Variants in LRRC4C observed in about 807,000 individuals in gnomAD.
LRRC4C encodes leucine rich repeat containing 4C, also known as leucine-rich repeat-containing protein 4C.
In LRRC4C, 5 loss-of-function variants were observed where a neutral mutation model predicts 33.6. That is an observed-to-expected ratio of 0.15 (90% CI 0.08 to 0.31). The LOEUF (loss-of-function observed/expected upper bound fraction) is 0.31, where lower values mean the gene tolerates loss of function less well. Ranked by LOEUF, LRRC4C falls within the 10% of genes least tolerant of loss-of-function variation. The pLI is 1.00. For missense variants in LRRC4C, 560 were observed against 796.7 expected (o/e 0.70, Z 3.58); for synonymous variants, 329 against 302.0 (o/e 1.09, Z -0.93).
intron 1 of LRRC4C, among the ~76,000 whole-genome samples, chr11:41,103,506 A>G (rs1195364361): frequency 6.6e-6 from 1 of 150,584 alleles, no homozygotes; most frequent in Non-Finnish European, 1.5e-5. Flanking sequence ...TTCAACAAAC[A>G]TATTCTGAGG....
chr11:40,166,526 A>G (rs1859609463), intron 5 of LRRC4C, among the ~76,000 whole-genome samples: 1 of 152,154 alleles, frequency 6.6e-6, no homozygotes, highest in African/African-American at 2.4e-5. Flanking sequence ...ACTGTGTTCA[A>G]TTTGTGAAAT....
chr11:40,525,980 C>T (rs1356996491), intron 3 of LRRC4C, among the ~76,000 whole-genome samples: 1 of 151,938 alleles, frequency 6.6e-6, no homozygotes, highest in African/African-American at 2.4e-5. Flanking sequence ...TTCAGTACTT[C>T]AGGGAAAGGC....
At chr11:40,260,657 A>G (rs1283588735) in intron 4 of LRRC4C, among the ~76,000 whole-genome samples, 1 of 152,172 alleles carries the variant, frequency 6.6e-6, no homozygotes, top group Non-Finnish European at 1.5e-5. Flanking sequence ...CTAAGAAAGG[A>G]TGAGGACCAG....
chr11:41,303,500 G>C (rs988267213), intron 1 of LRRC4C, among the ~76,000 whole-genome samples: 5 of 128,964 alleles, frequency 3.9e-5, no homozygotes, highest in African/African-American at 1.1e-4. Flanking sequence ...GCCTCTGCCC[G>C]GCCGCCACCC....
intron 1 of LRRC4C, among the ~76,000 whole-genome samples, chr11:41,058,783 A>G (rs1300337199): frequency 1.3e-5 from 2 of 152,216 alleles, no homozygotes; most frequent in African/African-American, 4.8e-5. Context: ...CACTATTCAT[A>G]ATAACAAAGA....
chr11:40,959,970 A>T (rs1367327237), intron 1 of LRRC4C, among the ~76,000 whole-genome samples: 1 of 151,756 alleles, frequency 6.6e-6, no homozygotes, highest in Non-Finnish European at 1.5e-5. Flanking sequence ...AGATGATAGT[A>T]ATTCTACTTT....
intron 1 of LRRC4C, among the ~76,000 whole-genome samples, chr11:41,263,758 G>C (rs991087174): frequency 6.6e-6 from 1 of 152,066 alleles, no homozygotes; most frequent in Non-Finnish European, 1.5e-5. Flanking sequence ...TATTGACTGA[G>C]ACCAAGCACA....
At chr11:40,151,988 C>T (rs1858253356) in intron 5 of LRRC4C, among the ~76,000 whole-genome samples, 1 of 152,182 alleles carries the variant, frequency 6.6e-6, no homozygotes. Flanking sequence ...TCAGACAGAG[C>T]AGCATCCAGA....
intron 2 of LRRC4C, among the ~76,000 whole-genome samples, chr11:40,865,451 A>G (rs563138475): frequency 1.3e-5 from 2 of 152,026 alleles, no homozygotes; most frequent in East Asian, 3.9e-4. Flanking sequence ...CACCACAAAA[A>G]TGATGACTAT....
Position 40,789,124 on chromosome 11 carries a change from T to C in LRRC4C, c.-406-140846A>G, listed in dbSNP as rs1373735341. ...AAAAAAAAAAAAAAAAAAAGCATATTATAAACTTATGTGTTAGTGGGCTCA... is the reference window on the plus strand; with the variant it reads ...AAAAAAAAAAAAAAAAAAAGCATATCATAAACTTATGTGTTAGTGGGCTCA... On this transcript the variant is annotated intron_variant, in intron 2 of 6. Coordinates refer to ENST00000528697, the MANE Select transcript of LRRC4C (RefSeq NM_001258419.2). 3.4e-5 allele frequency among the ~76,000 whole-genome samples: 5 copies of C among 148,598 alleles called. No individual in the cohort carries two copies. The South Asian group carries it at 1.0e-3, about 31-fold the overall frequency.
chr11:41,379,094 G>A lies in LRRC4C; in HGVS notation c.-496+80337C>T, dbSNP rs1433118043. The stretch of plus-strand genomic sequence containing the variant: ...TTATACCCACACTTTACTCCCAAAG[G>A]GGTAGGGCCCTGTATCTAAGTGGTT... On this transcript the variant is annotated intron_variant, in intron 1 of 6. Transcript: ENST00000528697. 2.0e-5 allele frequency among the ~76,000 whole-genome samples: 3 copies of A among 151,740 alleles called. No homozygotes were observed. In the East Asian group the frequency reaches 5.8e-4, roughly 29 times the overall value.
intron 2 of LRRC4C, among the ~76,000 whole-genome samples, chr11:40,895,013 T>G (rs919596512): frequency 1.3e-5 from 2 of 152,192 alleles, no homozygotes; most frequent in African/African-American, 2.4e-5. Flanking sequence ...AATAAATGTT[T>G]ATTAATTGGC....
chr11:40,448,533 G>T (rs1439748732), intron 3 of LRRC4C, among the ~76,000 whole-genome samples: 1 of 152,116 alleles, frequency 6.6e-6, no homozygotes, highest in Non-Finnish European at 1.5e-5. Context: ...GATTTGCTGA[G>T]AAGGATGGTT....
chr11:40,797,247 T>C (rs1476683134), intron 2 of LRRC4C, among the ~76,000 whole-genome samples: 1 of 152,056 alleles, frequency 6.6e-6, no homozygotes, highest in South Asian at 2.1e-4. Context: ...GATTGGGATA[T>C]AAAAATAGAA....
chr11:40,705,316 C>A (rs1311231044), intron 2 of LRRC4C, among the ~76,000 whole-genome samples: 1 of 152,008 alleles, frequency 6.6e-6, no homozygotes, highest in African/African-American at 2.4e-5. Flanking sequence ...ATTAACTCGT[C>A]ATTCACATTA....
intron 1 of LRRC4C, among the ~76,000 whole-genome samples, chr11:41,336,487 A>G (rs1393749469): frequency 6.6e-6 from 1 of 152,086 alleles, no homozygotes; most frequent in East Asian, 1.9e-4. Flanking sequence ...CAAAATGTCA[A>G]GTATAGTAGA....
chr11:40,834,368 G>A (rs1431671488), intron 2 of LRRC4C, among the ~76,000 whole-genome samples: 2 of 152,060 alleles, frequency 1.3e-5, no homozygotes, highest in Non-Finnish European at 1.5e-5. Context: ...GTACTCAGGA[G>A]GCTGAGGCAG....
At chr11:40,715,520 T>C (rs1946661032) in intron 2 of LRRC4C, among the ~76,000 whole-genome samples, 1 of 152,216 alleles carries the variant, frequency 6.6e-6, no homozygotes, top group Non-Finnish European at 1.5e-5. Context: ...TACCTACGTA[T>C]GATGTAGAAC....
At chr11:40,416,427 G>A (rs1321975843) in intron 3 of LRRC4C, among the ~76,000 whole-genome samples, 1 of 152,108 alleles carries the variant, frequency 6.6e-6, no homozygotes, top group African/African-American at 2.4e-5. Context: ...GGTCCTAAAG[G>A]AAGAAGGAGC....
Sources: gnomAD v4.1 joint callset for allele counts (sites outside exome capture counted in the v4.1 genomes callset) on GRCh38, gnomAD v4.1.1 for gene constraint, MANE v1.5 for transcripts, NCBI Gene and HGNC (gene_info 2026-07-23, HGNC 2026-07-21) for gene names.